The following BMAL2 variants were observed in gnomAD, a reference collection of about 807,000 sequenced individuals.
The protein encoded by BMAL2 is basic helix-loop-helix ARNT like 2, also known as basic helix-loop-helix ARNT-like protein 2.
At chr12:27,360,822 A>AAAAAAAAAAAAAAAAAAAC in the BMAL2 span, among the ~76,000 whole-genome samples, 1 of 150,010 alleles carries the variant, frequency 6.7e-6, no homozygotes, top group East Asian at 1.9e-4. Flanking sequence ...AAAAAAAAAA[A>AAAAAAAAAAAAAAAAAAAC]AAACAGTACT....
chr12:27,394,626 A>G, the BMAL2 span: 1 of 152,220 alleles, frequency 6.6e-6, no homozygotes, highest in Non-Finnish European at 1.5e-5. Context: ...TCTTTTACCT[A>G]AGGAAGCAAT....
At chr12:27,338,277 G>A in the BMAL2 span, among the ~76,000 whole-genome samples, 6,034 of 152,252 alleles carry the variant, frequency 0.04, 414 homozygotes, top group East Asian at 0.34. Flanking sequence ...TAGGCTGGGT[G>A]AGAAATGCAG....
chr12:27,407,080 C>T, the BMAL2 span, among the ~76,000 whole-genome samples: 1 of 152,174 alleles, frequency 6.6e-6, no homozygotes, highest in Admixed American at 6.5e-5. Flanking sequence ...CTGGAGCACC[C>T]AGATTCATAA....
chr12:27,348,591 C>CTA, the BMAL2 span, among the ~76,000 whole-genome samples: 4 of 151,994 alleles, frequency 2.6e-5, no homozygotes, highest in East Asian at 1.9e-4. Flanking sequence ...GACTTTTCAC[C>CTA]TATATATATA....
At chr12:27,334,637 A>C in the BMAL2 span, among the ~76,000 whole-genome samples, 2 of 152,262 alleles carry the variant, frequency 1.3e-5, no homozygotes, top group African/African-American at 4.8e-5. Flanking sequence ...CGAACTTACA[A>C]CAAGCTTTTA....
At chr12:27,349,168 G>C in the BMAL2 span, among the ~76,000 whole-genome samples, 7 of 152,180 alleles carry the variant, frequency 4.6e-5, no homozygotes, top group Non-Finnish European at 7.3e-5. Flanking sequence ...AGTGAGAGTA[G>C]CATGGGATGA....
At chr12:27,405,250 G>C in the BMAL2 span, among the ~76,000 whole-genome samples, 220 of 152,310 alleles carry the variant, frequency 1.4e-3, 1 homozygote, top group Non-Finnish European at 2.8e-3. Flanking sequence ...GAAGACAGTA[G>C]TGGTTCTCCC....
At chr12:27,380,415 C>T in the BMAL2 span, 24 of 1,613,602 alleles carry the variant, frequency 1.5e-5, no homozygotes, top group African/African-American at 4.0e-5. Context: ...GTGAGTTTGA[C>T]GATGGCTTCC....
chr12:27,420,019 G>GCGCGCGCGCACACACACACA, the BMAL2 span, among the ~76,000 whole-genome samples: 732 of 147,546 alleles, frequency 5.0e-3, 8 homozygotes, highest in African/African-American at 7.7e-3. Context: ...GTTTGCGCGT[G>GCGCGCGCGCACACACACACA]CACACACACA....
chr12:27,400,953 A>G, the BMAL2 span, among the ~76,000 whole-genome samples: 6 of 152,182 alleles, frequency 3.9e-5, no homozygotes, highest in African/African-American at 1.4e-4. Flanking sequence ...CAACATGTAA[A>G]CTTGGAAGAG....
chr12:27,389,987 CTG>C, the BMAL2 span: 1 of 1,357,008 alleles, frequency 7.4e-7, no homozygotes, highest in Admixed American at 2.1e-5. Flanking sequence ...CTTTAAAAAA[CTG>C]TTTCCTTTCT....
the BMAL2 span, among the ~76,000 whole-genome samples, chr12:27,382,550 C>G: frequency 6.6e-6 from 1 of 152,202 alleles, no homozygotes; most frequent in African/African-American, 2.4e-5. Context: ...GATTTTGCCT[C>G]AGCTCTGCTG....
chr12:27,402,763 A>T, the BMAL2 span: 2 of 1,261,070 alleles, frequency 1.6e-6, no homozygotes, highest in Non-Finnish European at 1.1e-6. Flanking sequence ...TGGAGAGGGG[A>T]AAATTTGAAG....
the BMAL2 span, chr12:27,370,122 C>G: frequency 1.9e-6 from 3 of 1,611,384 alleles, no homozygotes; most frequent in African/African-American, 4.0e-5. Flanking sequence ...GGCCTCCTTC[C>G]TTCCAGGTCA....
the BMAL2 span, among the ~76,000 whole-genome samples, chr12:27,364,008 A>G: frequency 6.6e-6 from 1 of 152,200 alleles, no homozygotes; most frequent in Non-Finnish European, 1.5e-5. Context: ...GGGAAGTCCA[A>G]GATCAAGGCA....
chr12:27,337,170 A>C, the BMAL2 span, among the ~76,000 whole-genome samples: 1 of 152,172 alleles, frequency 6.6e-6, no homozygotes, highest in Non-Finnish European at 1.5e-5. Context: ...TTAAAAACAA[A>C]GAAGTCTAAA....
the BMAL2 span, among the ~76,000 whole-genome samples, chr12:27,377,934 G>C: frequency 6.7e-6 from 1 of 149,238 alleles, no homozygotes; most frequent in African/African-American, 2.5e-5. Flanking sequence ...AGCCTTCATC[G>C]GTGTTCCTCC....
At chr12:27,410,623 A>G in the BMAL2 span, among the ~76,000 whole-genome samples, 966 of 152,308 alleles carry the variant, frequency 6.3e-3, 4 homozygotes, top group Middle Eastern at 0.02. Context: ...GAGGGACAGC[A>G]TTAGGAGATA....
the BMAL2 span, among the ~76,000 whole-genome samples, chr12:27,416,129 C>T: frequency 2.6e-5 from 4 of 152,112 alleles, no homozygotes; most frequent in African/African-American, 4.8e-5. Context: ...TTGCTGGAAG[C>T]GTAGTATCTG....
Sources: gnomAD v4.1 joint callset for allele counts (sites outside exome capture counted in the v4.1 genomes callset) on GRCh38, gnomAD v4.1.1 for gene constraint, MANE v1.5 for transcripts, NCBI Gene and HGNC (gene_info 2026-07-23, HGNC 2026-07-21) for gene names.